Variants in GBE1 observed in about 807,000 individuals in gnomAD.
GBE1 encodes 1,4-alpha-glucan branching enzyme 1.
A neutral mutation model predicts 88.8 loss-of-function variants in GBE1; 70 were observed. The ratio of observed to expected loss-of-function variants is 0.79; its 90% confidence interval spans 0.65 to 0.96. The LOEUF (loss-of-function observed/expected upper bound fraction) is 0.96, where lower values mean the gene tolerates loss of function less well. Ranked by LOEUF, GBE1 falls within the 40% of genes least tolerant of loss-of-function variation. GBE1 has a pLI of 0.00. For missense variants in GBE1, 872 were observed against 871.0 expected (o/e 1.00, Z -0.01); for synonymous variants, 284 against 300.1 (o/e 0.95, Z 0.56).
intron 2 of GBE1, among the ~76,000 whole-genome samples, chr3:81,680,265 G>A (rs1195282389): frequency 1.3e-5 from 2 of 152,108 alleles, no homozygotes; most frequent in African/African-American, 2.4e-5. Context: ...AGGCCGAGGC[G>A]GGTGGATCAT....
In GBE1 at chr3:81,529,077, T is replaced by C. The variant is rs537222928; in HGVS notation, c.1934+6118A>G. On this transcript the variant is annotated intron_variant, in intron 14 of 15. Coordinates refer to ENST00000429644, the MANE Select transcript of GBE1 (RefSeq NM_000158.4). ...CTTGTTGTGAAATTGATTGGTGATATGTTTTAATTTCTTGCTTTTTATTTT... is the reference window on the plus strand; with the variant it reads ...CTTGTTGTGAAATTGATTGGTGATACGTTTTAATTTCTTGCTTTTTATTTT... Among the ~76,000 whole-genome samples, 3 of 152,182 alleles carry C rather than the reference T, an allele frequency of 2.0e-5. No homozygotes were observed. The East Asian group carries it at 5.8e-4, about 30-fold the overall frequency.
intron 14 of GBE1, among the ~76,000 whole-genome samples, chr3:81,519,979 AC>A (rs1210814188): frequency 6.6e-6 from 1 of 151,326 alleles, no homozygotes; most frequent in Non-Finnish European, 1.5e-5. Context: ...CATTGCTACC[AC>A]CCCCAACCAC....
At chr3:81,518,085 T>G (rs1199616855) in intron 14 of GBE1, among the ~76,000 whole-genome samples, 1 of 151,382 alleles carries the variant, frequency 6.6e-6, no homozygotes, top group Non-Finnish European at 1.5e-5. Flanking sequence ...TGGGCACAAA[T>G]GTTCCTCCCC....
intron 14 of GBE1, among the ~76,000 whole-genome samples, chr3:81,524,858 T>C (rs896203430): frequency 3.3e-5 from 5 of 151,960 alleles, no homozygotes; most frequent in African/African-American, 1.2e-4. Context: ...TCCAGTTTTG[T>C]TCTTTTTGTG....
intron 1 of GBE1, among the ~76,000 whole-genome samples, chr3:81,709,061 G>C (rs1705815856): frequency 6.6e-6 from 1 of 152,146 alleles, no homozygotes; most frequent in Non-Finnish European, 1.5e-5. Flanking sequence ...GAGATGGAGA[G>C]TACAAGCCTC....
chr3:81,748,858 T>C (rs1418139558), intron 1 of GBE1, among the ~76,000 whole-genome samples: 2 of 151,420 alleles, frequency 1.3e-5, no homozygotes, highest in African/African-American at 4.9e-5. Flanking sequence ...AATACAAAAA[T>C]TAGCTGGGCA....
intron 2 of GBE1, among the ~76,000 whole-genome samples, chr3:81,681,298 G>A (rs890396268): frequency 7.2e-5 from 11 of 152,080 alleles, no homozygotes; most frequent in African/African-American, 2.2e-4. Context: ...GGGCCAGTAG[G>A]GGGGCTCTTT....
intron 15 of GBE1, among the ~76,000 whole-genome samples, chr3:81,494,685 TTA>T (rs1474449964): frequency 2.6e-5 from 4 of 152,158 alleles, no homozygotes; most frequent in Non-Finnish European, 5.9e-5. Flanking sequence ...TCTAGCTATA[TTA>T]ATAGTCTGCT....
At chr3:81,569,256 G>A (rs76230022) in intron 12 of GBE1, among the ~76,000 whole-genome samples, 1 of 152,226 alleles carries the variant, frequency 6.6e-6, no homozygotes, top group East Asian at 1.9e-4. Context: ...TAATTTAAAT[G>A]TAGGACATTA....
At chr3:81,749,008 AAAAAAAAAAAAAAG>A (rs1480613025) in intron 1 of GBE1, among the ~76,000 whole-genome samples, 3 of 134,160 alleles carry the variant, frequency 2.2e-5, no homozygotes, top group African/African-American at 8.4e-5. Flanking sequence ...TCTGTCTCAA[AAAAAAAAAAAAAAG>A]AAAAAAGAAA....
chr3:81,607,205 T>G (rs1386739784), intron 7 of GBE1, among the ~76,000 whole-genome samples: 1 of 152,164 alleles, frequency 6.6e-6, no homozygotes, highest in Non-Finnish European at 1.5e-5. Flanking sequence ...CATTGCTGTC[T>G]AAAAATGGGG....
chr3:81,558,821 T>C (rs1457949614), intron 12 of GBE1, among the ~76,000 whole-genome samples: 1 of 152,104 alleles, frequency 6.6e-6, no homozygotes, highest in African/African-American at 2.4e-5. Flanking sequence ...TGAAGTCAAC[T>C]GATTAAAATG....
At chr3:81,509,138 C>T (rs1702690936) in intron 14 of GBE1, among the ~76,000 whole-genome samples, 1 of 151,926 alleles carries the variant, frequency 6.6e-6, no homozygotes, top group Non-Finnish European at 1.5e-5. Context: ...TTGACTTGGC[C>T]TCTTCTTCCT....
chr3:81,721,822 CT>C (rs1706039796), intron 1 of GBE1, among the ~76,000 whole-genome samples: 1 of 152,220 alleles, frequency 6.6e-6, no homozygotes, highest in East Asian at 1.9e-4. Context: ...ATAACTGATA[CT>C]GATTATTGCA....
intron 12 of GBE1, among the ~76,000 whole-genome samples, chr3:81,545,782 C>T (rs1326352623): frequency 6.6e-6 from 1 of 151,982 alleles, no homozygotes; most frequent in Non-Finnish European, 1.5e-5. Context: ...TAATGCATGC[C>T]CTTCAGTGTA....
intron 2 of GBE1, among the ~76,000 whole-genome samples, chr3:81,694,507 C>T (rs146560215): frequency 0.02 from 3,024 of 152,216 alleles, 54 homozygotes; most frequent in Non-Finnish European, 0.032. Context: ...TCCAGCTCCC[C>T]GCCTCCTTCT....
intron 12 of GBE1, among the ~76,000 whole-genome samples, chr3:81,563,500 T>C (rs1439021008): frequency 1.3e-5 from 2 of 152,108 alleles, no homozygotes; most frequent in Non-Finnish European, 2.9e-5. Context: ...GAAGGCTTAA[T>C]TGAAGATGTA....
chr3:81,690,486 A>C (rs1705504997), intron 2 of GBE1, among the ~76,000 whole-genome samples: 1 of 152,244 alleles, frequency 6.6e-6, no homozygotes, highest in African/African-American at 2.4e-5. Flanking sequence ...TGCATTAAAT[A>C]AACAGTTACC....
intron 1 of GBE1, among the ~76,000 whole-genome samples, chr3:81,760,107 A>T (rs1706658225): frequency 6.6e-6 from 1 of 152,242 alleles, no homozygotes; most frequent in Non-Finnish European, 1.5e-5. Context: ...TTCTGAAAAC[A>T]ATTTCACAAG....
Sources: allele counts gnomAD v4.1 joint callset (sites outside exome capture counted in the v4.1 genomes callset), GRCh38; gene constraint gnomAD v4.1.1; transcripts MANE v1.5; gene names NCBI Gene and HGNC (gene_info 2026-07-23, HGNC 2026-07-21).